Variants in ARHGEF7 observed in about 807,000 individuals in gnomAD.
ARHGEF7 encodes the protein Rho guanine nucleotide exchange factor 7, also known as PAK-interacting exchange factor beta.
ARHGEF7 carries 33 observed loss-of-function variants against 109.8 expected under a neutral mutation model. The observed-to-expected ratio is 0.30, with a 90% confidence interval of 0.23 to 0.40. The LOEUF (loss-of-function observed/expected upper bound fraction) is 0.40. Ranked by LOEUF, ARHGEF7 falls within the 10% of genes least tolerant of loss-of-function variation. ARHGEF7 has a pLI of 1.00. For synonymous variants in ARHGEF7, 458 were observed against 424.6 expected (o/e 1.08, Z -0.97); for missense variants, 938 against 1,098.5 (o/e 0.85, Z 2.07).
chr13:111,167,984 G>A (rs1042563193), intron 2 of ARHGEF7, among the ~76,000 whole-genome samples: 3 of 152,204 alleles, frequency 2.0e-5, no homozygotes, highest in Non-Finnish European at 4.4e-5. Flanking sequence ...TGCTGTGACA[G>A]TGTGGAGTTA....
At chr13:111,148,616 G>C (rs981262671) in intron 1 of ARHGEF7, among the ~76,000 whole-genome samples, 1 of 152,204 alleles carries the variant, frequency 6.6e-6, no homozygotes, top group African/African-American at 2.4e-5. Context: ...CCTCTCTCAT[G>C]ATGGCCATTC....
At chr13:111,268,458 A>G (rs1047874274) in intron 9 of ARHGEF7, among the ~76,000 whole-genome samples, 16 of 152,238 alleles carry the variant, frequency 1.1e-4, no homozygotes, top group African/African-American at 3.9e-4. Context: ...ATGGAAAAGT[A>G]TTGTTTTAGT....
At chr13:111,268,487 A>G (rs1567020012) in intron 9 of ARHGEF7, among the ~76,000 whole-genome samples, 1 of 152,224 alleles carries the variant, frequency 6.6e-6, no homozygotes, top group Admixed American at 6.5e-5. Context: ...GATAAATGCC[A>G]TTGTCTTTCT....
intron 18 of ARHGEF7, among the ~76,000 whole-genome samples, chr13:111,289,157 G>A (rs1220990255): frequency 6.6e-6 from 1 of 152,004 alleles, no homozygotes; most frequent in Non-Finnish European, 1.5e-5. Flanking sequence ...TCAGCCTCCT[G>A]AGTTCCTGGG....
At chr13:111,218,690 C>T (rs2083438777) in intron 5 of ARHGEF7, among the ~76,000 whole-genome samples, 1 of 152,172 alleles carries the variant, frequency 6.6e-6, no homozygotes, top group South Asian at 2.1e-4. Context: ...GACTGAGCCT[C>T]AGAGCCACAG....
At chr13:111,121,781 G>A (rs559892440) in intron 1 of ARHGEF7, among the ~76,000 whole-genome samples, 67 of 152,236 alleles carry the variant, frequency 4.4e-4, no homozygotes, top group African/African-American at 1.6e-3. Flanking sequence ...CTTTGTTCCC[G>A]CAGCCATTTG....
Position 111,131,371 on chromosome 13 carries a change from T to C in ARHGEF7, c.165+15680T>C, listed in dbSNP as rs932952342. On this transcript the variant is annotated intron_variant, in intron 1 of 21. Coordinates refer to ENST00000646102, the MANE Select transcript of ARHGEF7 (RefSeq NM_001354046.2). The surrounding 1 kb of genome is among the most constrained non-coding windows in gnomAD (Gnocchi z 4.4). ...CTGTGCTGGAGCCCTGGGCGAGGCTTACCTAGGTTTGGGGCAAGGAGATCA... is the reference window on the plus strand; with the variant it reads ...CTGTGCTGGAGCCCTGGGCGAGGCTCACCTAGGTTTGGGGCAAGGAGATCA... Among the ~76,000 whole-genome samples, 3 of 152,092 alleles carry C rather than the reference T, an allele frequency of 2.0e-5. No homozygotes were observed. Among genetic ancestry groups the C allele is most frequent in the Non-Finnish European group, 2.9e-5 (2 of 68,008 alleles).
At chr13:111,217,916 G>T in intron 5 of ARHGEF7, 36 bp downstream of exon 5, 1 of 1,569,592 alleles carries the variant, frequency 6.4e-7, no homozygotes, top group Non-Finnish European at 8.7e-7. Flanking sequence ...GTGGCTTTTT[G>T]CGATGAGCAG....
chr13:111,152,943 C>T (rs571888522), intron 1 of ARHGEF7, among the ~76,000 whole-genome samples: 1 of 152,324 alleles, frequency 6.6e-6, no homozygotes, highest in Admixed American at 6.5e-5. Flanking sequence ...CTACCTTGGA[C>T]TAAAGCACTA....
intron 8 of ARHGEF7, among the ~76,000 whole-genome samples, chr13:111,248,987 C>G (rs924466060): frequency 5.3e-5 from 8 of 152,186 alleles, no homozygotes; most frequent in Admixed American, 1.3e-4. Context: ...ATTGCCAACT[C>G]TCCCTTTGGC....
At chr13:111,156,552 C>T (rs1330650489) in intron 2 of ARHGEF7, among the ~76,000 whole-genome samples, 2 of 152,100 alleles carry the variant, frequency 1.3e-5, no homozygotes, top group Non-Finnish European at 2.9e-5. Context: ...GGGAAGTTAC[C>T]CTGAGAAGTC....
rs144663586 is a variant in ARHGEF7 at position 111,169,346 on chromosome 13, T to C, written c.252+15355T>C. On this transcript the variant is annotated intron_variant, in intron 2 of 21. Transcript: ENST00000646102. ...AGGGTGTACAGGAAGCATGATGTTG[T>C]CATCTGCCCTGTTTCTGGAGAGGCC... Among the ~76,000 whole-genome samples, 13 of 152,326 alleles carry C rather than the reference T, an allele frequency of 8.5e-5. No homozygotes were observed. The East Asian group carries it at 2.5e-3, about 29-fold the overall frequency.
At chr13:111,181,360 ATGGCAGT>A (rs2078714508) in intron 2 of ARHGEF7, among the ~76,000 whole-genome samples, 1 of 152,176 alleles carries the variant, frequency 6.6e-6, no homozygotes, top group Non-Finnish European at 1.5e-5. Context: ...TGTCTTGTTT[ATGGCAGT>A]TGATTGGAAT....
chr13:111,236,508 C>T (rs1467523082), intron 6 of ARHGEF7, among the ~76,000 whole-genome samples: 1 of 152,232 alleles, frequency 6.6e-6, no homozygotes, highest in African/African-American at 2.4e-5. Context: ...GTGTCTTGCT[C>T]AGTGACTCAC....
rs550103668 is a variant in ARHGEF7, at chr13:111,150,652, C to T, written c.166-3253C>T. 3.3e-5 allele frequency among the ~76,000 whole-genome samples: 5 copies of T among 152,274 alleles called. No individual in the cohort carries two copies. The East Asian group carries it at 9.7e-4, about 29-fold the overall frequency. ...TGTGCCAACATAATCAATAATGCTG[C>T]GTATAGTGAGTGATTTCCAGTAGTC... is the stretch of plus-strand genomic sequence containing the variant. On this transcript the variant is annotated intron_variant, in intron 1 of 21. Coordinates refer to ENST00000646102, the MANE Select transcript of ARHGEF7 (RefSeq NM_001354046.2).
rs1315494811 is a variant in ARHGEF7 at position 111,258,298 on chromosome 13, T to C, written c.951-9250T>C. Among the ~76,000 whole-genome samples, 1 of 151,188 alleles carries C rather than the reference T, an allele frequency of 6.6e-6. No homozygotes were observed. On this transcript the variant is annotated intron_variant, in intron 8 of 21. Coordinates refer to ENST00000646102, the MANE Select transcript of ARHGEF7 (RefSeq NM_001354046.2). This position sits in a 1 kb window ranked among gnomAD's most constrained non-coding sequence, Gnocchi z 4.4. ...GTGCAGCCTGCAGCTCCAGTGAGAC[T>C]CCTCCCACAACCACAGGCAGTGCAG...
chr13:111,216,663 C>T (rs139702887), intron 4 of ARHGEF7, among the ~76,000 whole-genome samples: 55 of 152,288 alleles, frequency 3.6e-4, no homozygotes, highest in African/African-American at 1.3e-3. Flanking sequence ...ACGTTCTGTG[C>T]AGTCTGTGGG....
At chr13:111,162,548 C>T (rs1180709254) in intron 2 of ARHGEF7, among the ~76,000 whole-genome samples, 8 of 152,278 alleles carry the variant, frequency 5.3e-5, no homozygotes, top group Middle Eastern at 3.4e-3. Flanking sequence ...TTCATTTTCT[C>T]ACTTTACAGT....
intron 5 of ARHGEF7, among the ~76,000 whole-genome samples, chr13:111,221,141 ATATATATAGATATATATG>A (rs1367362521): frequency 1.0e-5 from 1 of 98,506 alleles, no homozygotes; most frequent in Non-Finnish European, 2.0e-5. Flanking sequence ...TCCCTTTCAT[ATATATATAGATATATATG>A]TCTATATATA....
Sources: allele counts gnomAD v4.1 joint callset (sites outside exome capture counted in the v4.1 genomes callset), GRCh38; gene constraint gnomAD v4.1.1; non-coding constraint Gnocchi (gnomAD v3.1); transcripts MANE v1.5; gene names NCBI Gene and HGNC (gene_info 2026-07-23, HGNC 2026-07-21).